Variants in SEC23A observed in about 807,000 individuals in gnomAD.
SEC23A encodes SEC23 homolog A, COPII component.
SEC23A carries 56 observed loss-of-function variants against 103.7 expected under a neutral mutation model. The observed-to-expected ratio is 0.54, with a 90% CI of 0.44 to 0.67. SEC23A has a LOEUF of 0.67. Ranked by LOEUF, SEC23A falls within the 30% of genes least tolerant of loss-of-function variation. The pLI is 0.00. For missense variants in SEC23A, 784 were observed against 936.4 expected, an observed-to-expected ratio of 0.84 and a Z score of 2.12; for synonymous variants, 281 against 293.0, an observed-to-expected ratio of 0.96 and a Z score of 0.42.
chr14:39,054,183 G>C (rs1385796079), intron 14 of SEC23A, among the ~76,000 whole-genome samples: 2 of 151,798 alleles, frequency 1.3e-5, no homozygotes, highest in African/African-American at 4.8e-5. Context: ...GCTGAAGTGG[G>C]AGAATCACTT....
chr14:39,074,432 G>C lies in SEC23A; in HGVS notation c.1086C>G (p.Cys362Trp), dbSNP rs961308319. 6.2e-7 allele frequency: 1 copy of C among 1,609,138 alleles called. No homozygotes were observed. The highest frequency in any genetic ancestry group is 1.3e-5 in the African/African-American group (1 of 74,960). The change falls in exon 9 of 20, where the codon TGC becomes TGG. Residue 362 changes from cysteine (C) to tryptophan (W), a missense_variant. Around this residue, in one of 2 missense-constraint regions of SEC23A, gnomAD observed 683 missense variants for 774.2 expected, o/e 0.88. Coordinates refer to ENST00000307712, the MANE Select transcript of SEC23A (RefSeq NM_006364.4). ...LDQTGLLEMK[C>W]CPNLTGGYMV... Reference sequence around the variant, plus strand: ...ATACATACCCAGTAAGGTTGGGACAGCATTTCATCTCCAGGAGACCTGTCT... The same window carrying C: ...ATACATACCCAGTAAGGTTGGGACACCATTTCATCTCCAGGAGACCTGTCT...
intron 10 of SEC23A, among the ~76,000 whole-genome samples, chr14:39,066,031 A>AC (rs1886655914): frequency 7.2e-6 from 1 of 138,290 alleles, no homozygotes; most frequent in Non-Finnish European, 1.6e-5. Flanking sequence ...AAAAAAAAAA[A>AC]AACTATAAGT....
intron 2 of SEC23A, among the ~76,000 whole-genome samples, chr14:39,095,321 A>C (rs1401397562): frequency 6.7e-6 from 1 of 148,634 alleles, no homozygotes; most frequent in Non-Finnish European, 1.5e-5. Context: ...TTTGAGGCGG[A>C]GTCTCGCTCT....
chr14:39,077,479 T>C (rs993317728), intron 7 of SEC23A, among the ~76,000 whole-genome samples: 1 of 150,800 alleles, frequency 6.6e-6, no homozygotes, highest in Non-Finnish European at 1.5e-5. Flanking sequence ...GAGGTGGAGG[T>C]TGCAGTGAGC....
chr14:39,098,964 A>T (rs1887988602), intron 1 of SEC23A, among the ~76,000 whole-genome samples: 1 of 151,920 alleles, frequency 6.6e-6, no homozygotes, highest in Non-Finnish European at 1.5e-5. Flanking sequence ...GAAACACAAA[A>T]CAAAAAATGT....
At chr14:39,085,450 T>C (rs1006084139) in intron 7 of SEC23A, among the ~76,000 whole-genome samples, 12 of 152,152 alleles carry the variant, frequency 7.9e-5, no homozygotes, top group Admixed American at 3.9e-4. Context: ...ACTATGTGAC[T>C]GGCACTTAAG....
intron 19 of SEC23A, among the ~76,000 whole-genome samples, chr14:39,036,002 C>T (rs1453588781): frequency 5.3e-5 from 8 of 152,024 alleles, no homozygotes; most frequent in Admixed American, 4.6e-4. Context: ...ATAAGGGTTC[C>T]GCCCTCATGA....
Position 39,093,525 on chromosome 14 carries a change from C to T in SEC23A, c.222-281G>A, listed in dbSNP as rs2144529. Reference sequence around the variant, plus strand: ...CTGTAATCTCAGCACTTTGGGAGGCCTGAGGCGGCAGATGGCTTGAGTCCA... The same window carrying T: ...CTGTAATCTCAGCACTTTGGGAGGCTTGAGGCGGCAGATGGCTTGAGTCCA... On this transcript the variant is annotated intron_variant, in intron 2 of 19. Coordinates refer to ENST00000307712, the MANE Select transcript of SEC23A (RefSeq NM_006364.4). 0.83 allele frequency among the ~76,000 whole-genome samples: 125,861 copies of T among 152,172 alleles called. 52,335 individuals are homozygous for T. The highest frequency in any genetic ancestry group is 0.86 in the African/African-American group (35,623 of 41,522).
chr14:39,090,155 T>C (rs1887606566), intron 5 of SEC23A, among the ~76,000 whole-genome samples: 3 of 152,156 alleles, frequency 2.0e-5, no homozygotes, highest in Admixed American at 6.6e-5. Context: ...TCTCTTCCTT[T>C]CTTCTTCATT....
intron 13 of SEC23A, among the ~76,000 whole-genome samples, chr14:39,056,623 G>A (rs763104645): frequency 3.3e-5 from 5 of 151,456 alleles, no homozygotes; most frequent in Non-Finnish European, 5.9e-5. Flanking sequence ...TACAGGCTCC[G>A]GCTAACTTTT....
chr14:39,100,331 G>A (rs1165826041), intron 1 of SEC23A, among the ~76,000 whole-genome samples: 1 of 151,632 alleles, frequency 6.6e-6, no homozygotes. Context: ...TTAAAATCAC[G>A]AATTCAATTA....
intron 14 of SEC23A, among the ~76,000 whole-genome samples, chr14:39,051,289 A>T (rs1359301677): frequency 6.6e-6 from 1 of 152,166 alleles, no homozygotes; most frequent in Non-Finnish European, 1.5e-5. Context: ...TCTGTTTTGG[A>T]TACCTTTAAC....
intron 13 of SEC23A, among the ~76,000 whole-genome samples, chr14:39,061,226 G>GT (rs1886463590): frequency 6.6e-6 from 1 of 152,050 alleles, no homozygotes; most frequent in Non-Finnish European, 1.5e-5. Flanking sequence ...CACAGACAAT[G>GT]TGAGGATGAC....
At position 39,091,460 on chromosome 14, in the gene SEC23A, C is replaced by T; in HGVS notation, c.603+17G>A. Reference sequence around the variant, plus strand: ...GTAATTTTCAGATAGGTAAAAACTACCATTCTTGTTGTTTACCTGCAGTTG... The same window carrying T: ...GTAATTTTCAGATAGGTAAAAACTATCATTCTTGTTGTTTACCTGCAGTTG... On this transcript the variant is annotated intron_variant, in intron 5 of 19. Coordinates refer to ENST00000307712, the MANE Select transcript of SEC23A (RefSeq NM_006364.4). The T allele has an allele frequency of 3.2e-6, 5 of 1,580,272 alleles. No individual in the cohort carries two copies. Among genetic ancestry groups the T allele is most frequent in the Non-Finnish European group, 4.4e-6 (5 of 1,149,368 alleles).
At chr14:39,061,937 C>G in intron 12 of SEC23A, 66 bp from the exon 13 acceptor site, 1 of 947,334 alleles carries the variant, frequency 1.1e-6, no homozygotes, top group Non-Finnish European at 1.7e-6. Context: ...TAATCACAGG[C>G]TACATGTCCT....
chr14:39,048,241 T>C (rs1370793329), intron 15 of SEC23A, among the ~76,000 whole-genome samples: 1 of 151,970 alleles, frequency 6.6e-6, no homozygotes, highest in Non-Finnish European at 1.5e-5. Context: ...AAAACTTACC[T>C]AACAAAAAGA....
At chr14:39,095,001 G>C in intron 2 of SEC23A, 2 of 700,584 alleles carry the variant, frequency 2.9e-6, no homozygotes, top group Admixed American at 4.0e-5. Context: ...TCTAGCTTCT[G>C]GGTAGAGAAC....
chr14:39,083,277 A>G (rs1887291183), intron 7 of SEC23A, among the ~76,000 whole-genome samples: 1 of 152,136 alleles, frequency 6.6e-6, no homozygotes, highest in Non-Finnish European at 1.5e-5. Flanking sequence ...TCAGTAAGAT[A>G]AACGCATATC....
At chr14:39,077,172 G>A (rs1594469235) in intron 7 of SEC23A, among the ~76,000 whole-genome samples, 1 of 132,296 alleles carries the variant, frequency 7.6e-6, no homozygotes, top group African/African-American at 2.9e-5. Flanking sequence ...AGGTTGCAGT[G>A]AGCCAAGATT....
Sources: allele counts gnomAD v4.1 joint callset (sites outside exome capture counted in the v4.1 genomes callset), GRCh38; gene constraint gnomAD v4.1.1; regional missense constraint gnomAD v4.1.1; transcripts MANE v1.5; gene names NCBI Gene and HGNC (gene_info 2026-07-23, HGNC 2026-07-21).